Variants in LRP1B observed in about 807,000 individuals in gnomAD.
LRP1B encodes LDL receptor related protein 1B, also known as low-density lipoprotein receptor-related protein 1B.
Under a neutral mutation model 556.6 loss-of-function variants are expected in LRP1B, and 217 were observed. That is an observed-to-expected ratio of 0.39 (90% CI 0.35 to 0.44). The LOEUF is 0.44. Among genes scored for constraint, LRP1B ranks in the 20% least tolerant of loss-of-function variants. LRP1B has a pLI of 1.00. For missense variants in LRP1B, 5,053 were observed against 5,620.8 expected, an observed-to-expected ratio of 0.90 and a Z score of 3.23; for synonymous variants, 2,047 against 1,865.8, an observed-to-expected ratio of 1.10 and a Z score of -2.50.
intron 7 of LRP1B, among the ~76,000 whole-genome samples, chr2:141,105,627 T>G (rs768208708): frequency 1.3e-5 from 2 of 151,398 alleles, no homozygotes; most frequent in Non-Finnish European, 3.0e-5. Flanking sequence ...GTAAACAGAA[T>G]TTTATTGACC....
At chr2:140,738,096 G>T (rs749841698) in intron 35 of LRP1B, among the ~76,000 whole-genome samples, 1 of 152,108 alleles carries the variant, frequency 6.6e-6, no homozygotes, top group Non-Finnish European at 1.5e-5. Context: ...GAGAGAAGGC[G>T]CACTTTTGCC....
chr2:141,969,024 A>G (rs913498031), intron 1 of LRP1B, among the ~76,000 whole-genome samples: 1 of 151,180 alleles, frequency 6.6e-6, no homozygotes, highest in Non-Finnish European at 1.5e-5. Flanking sequence ...CATGCATTCA[A>G]TCTAAAGTTT....
At chr2:140,473,086 A>G (rs1486594899) in intron 60 of LRP1B, among the ~76,000 whole-genome samples, 1 of 152,028 alleles carries the variant, frequency 6.6e-6, no homozygotes, top group Non-Finnish European at 1.5e-5. Flanking sequence ...AAGTAGAATA[A>G]TCCAATTCCA....
At chr2:140,957,554 G>A (rs1695910929) in intron 18 of LRP1B, among the ~76,000 whole-genome samples, 1 of 151,648 alleles carries the variant, frequency 6.6e-6, no homozygotes, top group African/African-American at 2.4e-5. Context: ...AATCAGGAAT[G>A]TTAGGTAAAA....
intron 23 of LRP1B, among the ~76,000 whole-genome samples, chr2:140,889,870 T>C (rs371608804): frequency 6.6e-6 from 1 of 152,206 alleles, no homozygotes; most frequent in Admixed American, 6.5e-5. Context: ...TATTTGGCTA[T>C]AATAGACTTG....
intron 4 of LRP1B, among the ~76,000 whole-genome samples, chr2:141,251,344 G>A (rs1009730733): frequency 6.6e-6 from 1 of 152,122 alleles, no homozygotes; most frequent in Non-Finnish European, 1.5e-5. Context: ...AGCAGTAAAT[G>A]GAGGAATGAA....
chr2:140,266,524 G>GTA (rs1272272847), intron 86 of LRP1B, among the ~76,000 whole-genome samples: 1 of 151,860 alleles, frequency 6.6e-6, no homozygotes, highest in Non-Finnish European at 1.5e-5. Flanking sequence ...TTGTGTCATG[G>GTA]TATAAAATGT....
At chr2:141,505,899 A>G (rs1683912251) in intron 2 of LRP1B, among the ~76,000 whole-genome samples, 1 of 152,108 alleles carries the variant, frequency 6.6e-6, no homozygotes, top group African/African-American at 2.4e-5. Context: ...ATATACTGAT[A>G]CAATTTATTG....
Position 141,291,631 on chromosome 2 carries a change from C to T in LRP1B, c.344-36990G>A, listed in dbSNP as rs558767172. Among the ~76,000 whole-genome samples the T allele has an allele frequency of 3.7e-3, 565 of 151,864 alleles. 1 individual carries two copies. The highest frequency in any genetic ancestry group is 6.0e-3 in the Non-Finnish European group (408 of 67,934). On this transcript the variant is annotated intron_variant, in intron 3 of 90. Coordinates refer to ENST00000389484, the MANE Select transcript of LRP1B (RefSeq NM_018557.3). ...CAGCACTTTGGGAGGCCGAGGCAGG[C>T]GGATCACGAGGTCAGGATATCGAGA...
At chr2:141,095,504 T>C (rs1340301452) in intron 7 of LRP1B, among the ~76,000 whole-genome samples, 1 of 147,702 alleles carries the variant, frequency 6.8e-6, no homozygotes, top group African/African-American at 2.5e-5. Context: ...TTTTTTTTTC[T>C]AGAGGAAACT....
chr2:141,969,028 A>G (rs1701646137), intron 1 of LRP1B, among the ~76,000 whole-genome samples: 1 of 151,296 alleles, frequency 6.6e-6, no homozygotes. Context: ...CATTCAATCT[A>G]AAGTTTGCCT....
intron 2 of LRP1B, among the ~76,000 whole-genome samples, chr2:141,709,425 G>C (rs1336523520): frequency 6.7e-6 from 1 of 148,156 alleles, no homozygotes; most frequent in Non-Finnish European, 1.5e-5. Context: ...CTCTGGGCCA[G>C]ACTGTCCTCA....
At chr2:141,539,230 A>G (rs1434348797) in intron 2 of LRP1B, among the ~76,000 whole-genome samples, 2 of 152,096 alleles carry the variant, frequency 1.3e-5, no homozygotes, top group African/African-American at 2.4e-5. Flanking sequence ...AAGGATGTAT[A>G]TAGTACTACA....
At chr2:140,771,440 C>G (rs561768854) in intron 33 of LRP1B, among the ~76,000 whole-genome samples, 4 of 152,006 alleles carry the variant, frequency 2.6e-5, no homozygotes, top group Non-Finnish European at 5.9e-5. Flanking sequence ...AAAGATTATG[C>G]GTCTAAAAGA....
At chr2:141,067,633 G>A (rs1266477107) in intron 7 of LRP1B, among the ~76,000 whole-genome samples, 1 of 151,946 alleles carries the variant, frequency 6.6e-6, no homozygotes, top group African/African-American at 2.4e-5. Context: ...GCCCCATTTA[G>A]TGTTTCTGAG....
intron 27 of LRP1B, among the ~76,000 whole-genome samples, chr2:140,866,430 A>G (rs994502509): frequency 1.3e-5 from 2 of 152,050 alleles, no homozygotes; most frequent in African/African-American, 4.8e-5. Flanking sequence ...TTTTTTCTAT[A>G]ATGTCCTCAT....
chr2:141,847,517 TA>T (rs1697693972), intron 1 of LRP1B, among the ~76,000 whole-genome samples: 2 of 151,674 alleles, frequency 1.3e-5, no homozygotes, highest in South Asian at 2.1e-4. Flanking sequence ...AAAAATTGAT[TA>T]TTTTTTTCCT....
At chr2:141,849,990 C>T (rs1697788002) in intron 1 of LRP1B, among the ~76,000 whole-genome samples, 1 of 151,632 alleles carries the variant, frequency 6.6e-6, no homozygotes, top group South Asian at 2.1e-4. Context: ...TTAAGATCAT[C>T]TCCAAAGTTG....
chr2:141,969,352 C>G (rs966698399), intron 1 of LRP1B, among the ~76,000 whole-genome samples: 2 of 151,478 alleles, frequency 1.3e-5, no homozygotes, highest in African/African-American at 4.8e-5. Flanking sequence ...ATACAAAACT[C>G]ATTTCTCCTG....
Sources: allele counts gnomAD v4.1 joint callset (sites outside exome capture counted in the v4.1 genomes callset), GRCh38; gene constraint gnomAD v4.1.1; transcripts MANE v1.5; gene names NCBI Gene and HGNC (gene_info 2026-07-23, HGNC 2026-07-21).